Variants in AFF3 observed in about 807,000 individuals in gnomAD.
AFF3 encodes ALF transcription elongation factor 3, also known as AF4/FMR2 family member 3.
A neutral mutation model predicts 129.7 loss-of-function variants in AFF3; 32 were observed. The observed-to-expected ratio is 0.25, with a 90% confidence interval of 0.19 to 0.33. The LOEUF (loss-of-function observed/expected upper bound fraction) is 0.33. AFF3 is among the 10% of genes least tolerant of loss of function. The pLI, the probability that AFF3 is intolerant of heterozygous loss-of-function variation, is 1.00. For synonymous variants in AFF3, 644 were observed against 635.4 expected (o/e 1.01, Z -0.20); for missense variants, 1,373 against 1,592.0 (o/e 0.86, Z 2.34).
At chr2:99,974,824 C>A (rs1399990335) in intron 7 of AFF3, among the ~76,000 whole-genome samples, 1 of 152,158 alleles carries the variant, frequency 6.6e-6, no homozygotes, top group Non-Finnish European at 1.5e-5. Flanking sequence ...CACTGGTGCC[C>A]ATGGAGAATG....
At chr2:99,930,889 T>C (rs1448191325) in intron 7 of AFF3, among the ~76,000 whole-genome samples, 1 of 152,212 alleles carries the variant, frequency 6.6e-6, no homozygotes, top group African/African-American at 2.4e-5. Context: ...CTGAGAGATG[T>C]ACATATTTTT....
rs1163398397 is a variant in AFF3, at chr2:100,007,394, C to G, written c.241G>C (p.Asp81His). ...NTLGNYDEMK[D>H]FLTDRSNQSH... Reference sequence around the variant, plus strand: ...TGATTGGATCTATCAGTTAAAAAGTCTTTCATTTCATCATAATTGCCTAAA... The same window carrying G: ...TGATTGGATCTATCAGTTAAAAAGTGTTTCATTTCATCATAATTGCCTAAA... The change falls in exon 6 of 25, where the codon GAC (aspartate) becomes CAC (histidine). Residue 81 changes from aspartate (D) to histidine (H), a missense_variant. By Grantham distance (81) the Asp-to-His change is moderately conservative (BLOSUM62 -1). Coordinates refer to ENST00000672756, the MANE Select transcript of AFF3 (RefSeq NM_001386135.1). 6.2e-7 allele frequency: 1 copy of G among 1,614,168 alleles called. No homozygotes were observed. Among genetic ancestry groups the G allele is most frequent in the African/African-American group, 1.3e-5 (1 of 75,042 alleles).
rs540722539 is a variant in AFF3, at chr2:99,628,559, T to C, written c.1184+21067A>G. ...ATTTGAATACCCTTTCTTTCTTTTT[T>C]TTTTTCTTTTTTCTTGAGATGGAGT... On this transcript the variant is annotated intron_variant, in intron 13 of 24. Transcript: ENST00000672756. Among the ~76,000 whole-genome samples the C allele has an allele frequency of 7.9e-5, 12 of 151,770 alleles. No individual in the cohort carries two copies. The South Asian group carries it at 1.5e-3, about 18-fold the overall frequency.
intron 4 of AFF3, among the ~76,000 whole-genome samples, chr2:100,017,184 T>C (rs1683203766): frequency 6.6e-6 from 1 of 152,098 alleles, no homozygotes; most frequent in Admixed American, 6.5e-5. Context: ...AACATGACTA[T>C]GCCCCGGCTC....
chr2:99,974,905 T>G (rs1678727281), intron 7 of AFF3, among the ~76,000 whole-genome samples: 1 of 152,188 alleles, frequency 6.6e-6, no homozygotes, highest in South Asian at 2.1e-4. Context: ...GGGAAAGGTA[T>G]GGCAGTGCAG....
At chr2:99,990,164 T>C (rs543393181) in intron 7 of AFF3, among the ~76,000 whole-genome samples, 6 of 152,178 alleles carry the variant, frequency 3.9e-5, no homozygotes, top group Non-Finnish European at 7.3e-5. Flanking sequence ...GATGAGGAAG[T>C]AGCCCACTCA....
At chr2:99,755,378 C>T (rs1167929788) in intron 8 of AFF3, among the ~76,000 whole-genome samples, 3 of 151,972 alleles carry the variant, frequency 2.0e-5, no homozygotes. Context: ...AGCAATTCTC[C>T]TGCCTCAGCC....
chr2:99,672,229 CACAT>C (rs202017890), intron 12 of AFF3, among the ~76,000 whole-genome samples: 958 of 27,950 alleles, frequency 0.034, 8 homozygotes, highest in South Asian at 0.067. Context: ...CACACACACA[CACAT>C]GAATAAATAA....
chr2:99,598,912 G>A (rs1007616444), intron 14 of AFF3, among the ~76,000 whole-genome samples: 2 of 152,212 alleles, frequency 1.3e-5, no homozygotes, highest in Admixed American at 1.3e-4. Context: ...ATTATCCTTA[G>A]GAAAAGTGTT....
chr2:100,060,167 T>C (rs544899316), intron 4 of AFF3, among the ~76,000 whole-genome samples: 2 of 152,246 alleles, frequency 1.3e-5, no homozygotes, highest in South Asian at 4.2e-4. Flanking sequence ...AGCTCTGTGT[T>C]ATCCACAAAC....
In AFF3 at chr2:99,672,534, T is replaced by G. The variant is rs1372202396; in HGVS notation, c.1143+4A>C. ...AAGGATGATGACATAAAAGAGAATC[T>G]TACCTGTTCATTCTCCTCTTCATCA... On this transcript the variant is annotated splice_donor_region_variant and intron_variant, in intron 12 of 24. Transcript: ENST00000672756. The G allele has an allele frequency of 6.2e-7, 1 of 1,613,618 alleles. No homozygotes were observed. The highest frequency in any genetic ancestry group is 2.2e-5 in the East Asian group (1 of 44,870).
At chr2:99,720,897 A>C (rs560886175) in intron 11 of AFF3, among the ~76,000 whole-genome samples, 70 of 152,354 alleles carry the variant, frequency 4.6e-4, no homozygotes, top group African/African-American at 1.7e-3. Flanking sequence ...TTCACATAAA[A>C]TGTAAAAACT....
chr2:100,121,264 G>C (rs1318550820), intron 2 of AFF3, among the ~76,000 whole-genome samples: 1 of 152,210 alleles, frequency 6.6e-6, no homozygotes, highest in Non-Finnish European at 1.5e-5. Flanking sequence ...CCAGCAGAGA[G>C]AGGAGAAGCA....
intron 7 of AFF3, among the ~76,000 whole-genome samples, chr2:99,872,200 T>TC (rs1201576359): frequency 1.7e-3 from 149 of 86,228 alleles, no homozygotes; most frequent in African/African-American, 7.4e-3. Flanking sequence ...ACAGCGAGAC[T>TC]CCATCTCAAA....
intron 8 of AFF3, among the ~76,000 whole-genome samples, chr2:99,811,102 G>A (rs1686750495): frequency 6.6e-6 from 1 of 152,180 alleles, no homozygotes; most frequent in Non-Finnish European, 1.5e-5. Context: ...TTAGGACATG[G>A]GAGGGACGTG....
intron 8 of AFF3, among the ~76,000 whole-genome samples, chr2:99,797,794 AAT>A: frequency 6.6e-6 from 1 of 152,214 alleles, no homozygotes; most frequent in Middle Eastern, 3.4e-3. Flanking sequence ...ATAACTCCAA[AAT>A]ATATATATGA....
chr2:99,997,169 G>A (rs926941263), intron 7 of AFF3, among the ~76,000 whole-genome samples: 6 of 152,114 alleles, frequency 3.9e-5, no homozygotes, highest in Admixed American at 3.9e-4. Context: ...CCCAGATACA[G>A]ATTTCGTTCT....
intron 7 of AFF3, among the ~76,000 whole-genome samples, chr2:99,894,958 C>T (rs1200326029): frequency 2.6e-5 from 4 of 152,162 alleles, no homozygotes; most frequent in African/African-American, 4.8e-5. Context: ...AATGGAACCA[C>T]GCTATGTACA....
chr2:100,113,248 T>G (rs1270941687), intron 2 of AFF3, among the ~76,000 whole-genome samples: 1 of 152,152 alleles, frequency 6.6e-6, no homozygotes, highest in Non-Finnish European at 1.5e-5. Flanking sequence ...AGCAGTGAGC[T>G]AAGAAAGAAG....
Sources: gnomAD v4.1 joint callset for allele counts (sites outside exome capture counted in the v4.1 genomes callset) on GRCh38, gnomAD v4.1.1 for gene constraint, MANE v1.5 for transcripts, NCBI Gene and HGNC (gene_info 2026-07-23, HGNC 2026-07-21) for gene names.